VPS33B: variants seen among roughly 807,000 people sequenced by gnomAD.
VPS33B encodes VPS33B late endosome and lysosome associated.
In VPS33B, 80 loss-of-function variants were observed where a neutral mutation model predicts 95.3. The observed-to-expected ratio is 0.84, with a 90% CI of 0.70 to 1.01. The LOEUF (loss-of-function observed/expected upper bound fraction) is 1.01, where lower values mean the gene tolerates loss of function less well. Ranked by LOEUF, VPS33B falls within the 50% of genes least tolerant of loss-of-function variation. The probability of loss-of-function intolerance (pLI) is 0.00; values close to 1 mark genes in which losing one functional copy is unlikely to be tolerated. For synonymous variants in VPS33B, 280 were observed against 280.4 expected (o/e 1.00, Z 0.01); for missense variants, 715 against 773.4 (o/e 0.92, Z 0.90).
intron 1 of VPS33B, 44 bp from the exon 2 acceptor site, chr15:91,017,929 G>A (rs753476938): frequency 2.5e-6 from 4 of 1,595,390 alleles, no homozygotes; most frequent in Non-Finnish European, 3.4e-6. Context: ...GGTCACATGA[G>A]CTTCCGCAGC....
In VPS33B at chr15:91,007,451, T is replaced by C. The variant is rs750043103; in HGVS notation, c.603+18A>G. 1.2e-6 allele frequency: 2 copies of C among 1,610,452 alleles called. No individual in the cohort carries two copies. The highest frequency in any genetic ancestry group is 2.7e-5 in the African/African-American group (2 of 74,866). ...AAAACAGCGTCTGCTGGGACAACAG[T>C]ACTGCTAGTGCTCTTACCTTGGCGC... On this transcript the variant is annotated intron_variant, in intron 8 of 22. Coordinates refer to ENST00000333371, the MANE Select transcript of VPS33B (RefSeq NM_018668.5). The surrounding 1 kb of genome is among the most constrained non-coding windows in gnomAD (Gnocchi z 5.3).
chr15:91,000,860 C>T lies in VPS33B; in HGVS notation c.1480-269G>A, dbSNP rs563159012. On this transcript the variant is annotated intron_variant, in intron 19 of 22. Transcript: ENST00000333371. This position sits in a 1 kb window ranked among gnomAD's most constrained non-coding sequence, Gnocchi z 4.9. ...CTCCTTTCCCTACCCTTAAGTGACA[C>T]AGGATATGGTTGTCACTGAAGCAGC... The T allele has an allele frequency of 3.7e-4, 172 of 464,638 alleles. 2 individuals carry two copies. Among genetic ancestry groups the T allele is most frequent in the African/African-American group, 3.1e-3 (155 of 50,352 alleles). 28.8% of individuals were successfully genotyped at this position (464,638 alleles called of 1,614,324 possible).
chr15:91,022,257 G>T lies in VPS33B; in HGVS notation c.-8C>A. ...CCGATGGGGAAAAGCCATGGCAGCG[G>T]TCACCTGCGCCGCGGGGTGGAAGGA... On this transcript the variant is annotated 5_prime_UTR_variant, in exon 1 of 23. Transcript: ENST00000333371. 1 of 1,555,128 alleles carries T rather than the reference G, an allele frequency of 6.4e-7. No individual in the cohort carries two copies.
chr15:91,003,212 G>A (rs2040494666), intron 16 of VPS33B, 81 bp from the exon 17 acceptor site: 2 of 1,347,286 alleles, frequency 1.5e-6, no homozygotes, highest in Admixed American at 1.7e-5. Context: ...AACCAGCAAC[G>A]AACGCCTTCT....
chr15:91,014,313 C>A (rs372590132), intron 4 of VPS33B, 71 bp downstream of exon 4: 17 of 1,476,492 alleles, frequency 1.2e-5, no homozygotes, highest in Non-Finnish European at 1.5e-5. Flanking sequence ...ATTAGAGGGT[C>A]CTTATGGCCA....
chr15:90,998,897 T>C lies in VPS33B; in HGVS notation c.*78A>G, dbSNP rs2040348310. On this transcript the variant is annotated 3_prime_UTR_variant, in exon 23 of 23. Coordinates refer to ENST00000333371, the MANE Select transcript of VPS33B (RefSeq NM_018668.5). The surrounding 1 kb of genome is among the most constrained non-coding windows in gnomAD (Gnocchi z 4.8). ...CAGGTAGTTGGTGGACACTTGGTTATAGCAGCTGGGTGCCAGATGCCTGCA... is the reference window on the plus strand; with the variant it reads ...CAGGTAGTTGGTGGACACTTGGTTACAGCAGCTGGGTGCCAGATGCCTGCA... 3.3e-6 allele frequency: 5 copies of C among 1,503,408 alleles called. No individual in the cohort carries two copies. Among genetic ancestry groups the C allele is most frequent in the South Asian group, 1.2e-5 (1 of 85,796 alleles). The allele number at this position is 1,503,408 out of a possible 1,614,324, so 93.1% of individuals were successfully genotyped here. A position where few individuals can be genotyped will look rare whatever the true frequency, so the allele number is the denominator to read the frequency against.
In VPS33B at chr15:91,007,853, A is replaced by G. The variant is rs1203095863; in HGVS notation, c.498+17T>C. On this transcript the variant is annotated intron_variant, in intron 7 of 22. Coordinates refer to ENST00000333371, the MANE Select transcript of VPS33B (RefSeq NM_018668.5). This position sits in a 1 kb window ranked among gnomAD's most constrained non-coding sequence, Gnocchi z 5.3. ...CCCCATCCCCTGATGCCAAGACACA[A>G]GGGCCTCTGCATTTACCAGAAAGTA... 3 of 1,611,120 alleles carry G rather than the reference A, an allele frequency of 1.9e-6. No individual in the cohort carries two copies. Among genetic ancestry groups the G allele is most frequent in the East Asian group, 2.2e-5 (1 of 44,856 alleles).
intron 2 of VPS33B, 77 bp downstream of exon 2, chr15:91,017,728 C>T: frequency 7.3e-7 from 1 of 1,370,058 alleles, no homozygotes; most frequent in Admixed American, 1.7e-5. Context: ...AGTAGTCACT[C>T]TTCAGTAGTT....
At position 91,009,337 on chromosome 15, in the gene VPS33B, A is replaced by C. The variant is rs2040711370; in HGVS notation, c.403+464T>G. ...TCCTTCCTTCCTTTCTCTGAGTCTC[A>C]CTCTTGTTGCCCAGGCTGGAGTGCA... On this transcript the variant is annotated intron_variant, in intron 6 of 22. Transcript: ENST00000333371. This position sits in a 1 kb window ranked among gnomAD's most constrained non-coding sequence, Gnocchi z 4.1. Among the ~76,000 whole-genome samples, 1 of 138,712 alleles carries C rather than the reference A, an allele frequency of 7.2e-6. No individual in the cohort carries two copies. The highest frequency in any genetic ancestry group is 1.5e-5 in the Non-Finnish European group (1 of 64,694). 91.0% of individuals were successfully genotyped at this position (138,712 alleles called of 152,430 possible). A position where few individuals can be genotyped will look rare whatever the true frequency, so the allele number is the denominator to read the frequency against.
intron 15 of VPS33B, 24 bp from the exon 16 acceptor site, chr15:91,004,955 G>A: frequency 6.2e-7 from 1 of 1,614,204 alleles, no homozygotes; most frequent in Non-Finnish European, 8.5e-7. Context: ...AAGAATCAAG[G>A]AGAATTGAAG....
intron 16 of VPS33B, among the ~76,000 whole-genome samples, chr15:91,004,511 AT>A (rs1253554815): frequency 2.6e-5 from 4 of 152,186 alleles, no homozygotes; most frequent in Admixed American, 2.6e-4. Context: ...TCTCAAAAAA[AT>A]AAATAAATAA....
Position 91,000,047 on chromosome 15 carries a change from C to T in VPS33B, c.1582-72G>A. On this transcript the variant is annotated intron_variant, in intron 20 of 22. Coordinates refer to ENST00000333371, the MANE Select transcript of VPS33B (RefSeq NM_018668.5). The surrounding 1 kb of genome is among the most constrained non-coding windows in gnomAD (Gnocchi z 4.9). Reference sequence around the variant, plus strand: ...CTTAGGAAAGGAAGGGCACAGCAGCCAGACTGTCACATTTCTTGCTCATTA... The same window carrying T: ...CTTAGGAAAGGAAGGGCACAGCAGCTAGACTGTCACATTTCTTGCTCATTA... 2 of 1,576,302 alleles carry T rather than the reference C, an allele frequency of 1.3e-6. No individual in the cohort carries two copies. Among genetic ancestry groups the T allele is most frequent in the Non-Finnish European group, 1.7e-6 (2 of 1,152,468 alleles).
Position 91,022,286 on chromosome 15 carries a change from C to T in VPS33B, c.-37G>A. 6.6e-7 allele frequency: 1 copy of T among 1,521,158 alleles called. No homozygotes were observed. Among genetic ancestry groups the T allele is most frequent in the Non-Finnish European group, 8.9e-7 (1 of 1,126,518 alleles). 94.2% of individuals were successfully genotyped at this position (1,521,158 alleles called of 1,614,324 possible). On this transcript the variant is annotated 5_prime_UTR_variant, in exon 1 of 23. Coordinates refer to ENST00000333371, the MANE Select transcript of VPS33B (RefSeq NM_018668.5). ...CCTGCGCCGCGGGGTGGAAGGACGC[C>T]CTTCGTTCTGAGAAGGCCGGCCGCA...
intron 16 of VPS33B, 123 bp from the exon 17 acceptor site, chr15:91,003,254 T>C (rs1374491952): frequency 7.2e-6 from 7 of 966,604 alleles, no homozygotes; most frequent in Non-Finnish European, 1.2e-5. Flanking sequence ...ATGTTAACCC[T>C]GCAGAGTATA....
At position 91,002,229 on chromosome 15, in the gene VPS33B, C is replaced by G. The variant is rs370279944; in HGVS notation, c.1273-47G>C. 1 of 1,611,002 alleles carries G rather than the reference C, an allele frequency of 6.2e-7. No homozygotes were observed. The highest frequency in any genetic ancestry group is 2.2e-5 in the East Asian group (1 of 44,830). On this transcript the variant is annotated intron_variant, in intron 17 of 22. Coordinates refer to ENST00000333371, the MANE Select transcript of VPS33B (RefSeq NM_018668.5). This position sits in a 1 kb window ranked among gnomAD's most constrained non-coding sequence, Gnocchi z 4.7. Reference sequence around the variant, plus strand: ...TATTTACTGAGTGTCCAAAGAGCATCTAGTACTGTCAGGTACTACAGAGTT... The same window carrying G: ...TATTTACTGAGTGTCCAAAGAGCATGTAGTACTGTCAGGTACTACAGAGTT...
At position 91,000,371 on chromosome 15, in the gene VPS33B, T is replaced by G. The variant is rs1596349239; in HGVS notation, c.1581+119A>C. ...AAGATCGTGCCACCGCACTCCAGCCTGGGTGACAGAGCAAGACTCCATCTC... is the reference window on the plus strand; with the variant it reads ...AAGATCGTGCCACCGCACTCCAGCCGGGGTGACAGAGCAAGACTCCATCTC... On this transcript the variant is annotated intron_variant, in intron 20 of 22. Transcript: ENST00000333371. The surrounding 1 kb of genome is among the most constrained non-coding windows in gnomAD (Gnocchi z 4.9). 4.3e-6 allele frequency: 4 copies of G among 939,722 alleles called. No homozygotes were observed. Among genetic ancestry groups the G allele is most frequent in the African/African-American group, 3.4e-5 (2 of 59,592 alleles). 58.2% of individuals were successfully genotyped at this position (939,722 alleles called of 1,614,324 possible).
Position 91,016,994 on chromosome 15 carries a change from C to T in VPS33B, c.208G>A (p.Glu70Lys), listed in dbSNP as rs745678948. 1 of 1,614,010 alleles carries T rather than the reference C, an allele frequency of 6.2e-7. No individual in the cohort carries two copies. Among genetic ancestry groups the T allele is most frequent in the Non-Finnish European group, 8.5e-7 (1 of 1,179,994 alleles). Residue 70 changes from glutamate (E) to lysine (K), a missense_variant, in exon 3 of 23, where the codon GAG becomes AAG. Glu to Lys is a moderately conservative substitution (Grantham distance 56, BLOSUM62 1). Transcript: ENST00000333371. Reference protein sequence around the residue: ...QHEVDKLYKVENKPALSSNEQ... With the variant: ...QHEVDKLYKVKNKPALSSNEQ... ...TTGGAGCTGAGGGCTGGCTTGTTCT[C>T]CACCTTGTATAGCTTGTCTACTTCG...
At chr15:91,004,766 G>T in intron 16 of VPS33B, 111 bp downstream of exon 16, 1 of 1,267,728 alleles carries the variant, frequency 7.9e-7, no homozygotes, top group Non-Finnish European at 1.1e-6. Context: ...AAATTACAGG[G>T]AAACATTCTG....
At chr15:91,003,052 A>G in intron 17 of VPS33B, 33 bp downstream of exon 17, 1 of 1,613,336 alleles carries the variant, frequency 6.2e-7, no homozygotes. Flanking sequence ...CCCTCCATCA[A>G]GTTCCCTCAA....
Sources: allele counts gnomAD v4.1 joint callset (sites outside exome capture counted in the v4.1 genomes callset), GRCh38; gene constraint gnomAD v4.1.1; non-coding constraint Gnocchi (gnomAD v3.1); transcripts MANE v1.5; gene names NCBI Gene and HGNC (gene_info 2026-07-23, HGNC 2026-07-21).